VCAN: variants seen among roughly 807,000 people sequenced by gnomAD.
VCAN encodes versican.
VCAN carries 44 observed loss-of-function variants against 245.5 expected under a neutral mutation model. That is an observed-to-expected ratio of 0.18 (90% CI 0.14 to 0.23). The LOEUF is 0.23. VCAN is among the 10% of genes least tolerant of loss of function. VCAN has a pLI of 1.00. For synonymous variants in VCAN, 1,413 were observed against 1,437.0 expected (o/e 0.98, Z 0.38); for missense variants, 3,793 against 4,057.9 (o/e 0.93, Z 1.77).
intron 1 of VCAN, among the ~76,000 whole-genome samples, chr5:83,478,774 G>C (rs1052951159): frequency 6.6e-6 from 1 of 152,140 alleles, no homozygotes. Flanking sequence ...TATTTACTGA[G>C]TGTTCTAGGC....
Position 83,542,161 on chromosome 5 carries a change from C to A in VCAN, c.9158C>A (p.Thr3053Asn), listed in dbSNP as rs780883017. The A allele has an allele frequency of 6.2e-7, 1 of 1,614,084 alleles. No homozygotes were observed. Among genetic ancestry groups the A allele is most frequent in the Non-Finnish European group, 8.5e-7 (1 of 1,179,958 alleles). The change falls in exon 8 of 15, where the codon ACT (threonine) becomes AAT (asparagine). Residue 3053 changes from threonine (T) to asparagine (N), a missense_variant. Around this residue, in one of 5 missense-constraint regions of VCAN, gnomAD observed 3,182 missense variants for 3,250.3 expected, o/e 0.98. Coordinates refer to ENST00000265077, the MANE Select transcript of VCAN (RefSeq NM_004385.5). ...ACAGTAAACCCTGTGGAATTTAATA[C>A]TGAGGTTGCAACACCACCATTTTCC... ...QATVNPVEFN[T>N]EVATPPFSLL...
intron 9 of VCAN, among the ~76,000 whole-genome samples, chr5:83,546,158 T>A (rs531892): frequency 0.46 from 69,280 of 151,676 alleles, 16,066 homozygotes; most frequent in Admixed American, 0.5. Flanking sequence ...GTGCAATTGC[T>A]GTTCCCTGCC....
rs202194114 is a variant in VCAN, at chr5:83,484,722, C to A, written c.70+1134C>A. Among the ~76,000 whole-genome samples, 6 of 152,256 alleles carry A rather than the reference C, an allele frequency of 3.9e-5. No homozygotes were observed. The East Asian group carries it at 1.2e-3, about 29-fold the overall frequency. On this transcript the variant is annotated intron_variant, in intron 2 of 14. Coordinates refer to ENST00000265077, the MANE Select transcript of VCAN (RefSeq NM_004385.5). ...AACTTACTTCTCTAGTTATGGGAGA[C>A]CAGCAATAAACAAGTAAACAAACAA...
intron 2 of VCAN, among the ~76,000 whole-genome samples, chr5:83,488,543 G>A (rs1744862096): frequency 6.6e-6 from 1 of 152,218 alleles, no homozygotes. Flanking sequence ...TTAAGGTTGA[G>A]CTAAGTTAGA....
chr5:83,550,246 G>T (rs1316741631), intron 10 of VCAN, among the ~76,000 whole-genome samples: 2 of 152,148 alleles, frequency 1.3e-5, no homozygotes, highest in Non-Finnish European at 2.9e-5. Flanking sequence ...TGGTGAATTT[G>T]TTTGTGATAG....
At chr5:83,551,562 C>G (rs1052525427) in intron 10 of VCAN, among the ~76,000 whole-genome samples, 3 of 151,830 alleles carry the variant, frequency 2.0e-5, no homozygotes, top group Non-Finnish European at 2.9e-5. Context: ...AAACTAAAAC[C>G]AATTGGGTTA....
intron 12 of VCAN, among the ~76,000 whole-genome samples, chr5:83,566,423 G>A (rs533433468): frequency 1.3e-5 from 2 of 152,214 alleles, no homozygotes; most frequent in South Asian, 2.1e-4. Context: ...ATGGCCACCT[G>A]GTGTGTGTTT....
intron 2 of VCAN, 150 bp downstream of exon 2, chr5:83,483,738 A>G: frequency 1.3e-6 from 1 of 742,900 alleles, no homozygotes; most frequent in Non-Finnish European, 2.3e-6. Context: ...TTATTGGACC[A>G]AAAACATTAG....
intron 9 of VCAN, among the ~76,000 whole-genome samples, chr5:83,546,694 G>T (rs1415312025): frequency 6.6e-6 from 1 of 152,074 alleles, no homozygotes; most frequent in Non-Finnish European, 1.5e-5. Context: ...AGTGAGCTGT[G>T]TTCACGCTAC....
At chr5:83,495,967 C>G (rs1745147853) in intron 5 of VCAN, among the ~76,000 whole-genome samples, 1 of 152,180 alleles carries the variant, frequency 6.6e-6, no homozygotes, top group East Asian at 1.9e-4. Flanking sequence ...GCTCTTAGCT[C>G]TCTAAGGCTC....
Position 83,522,260 on chromosome 5 carries a change from T to C in VCAN, c.3954T>C (p.Phe1318=), listed in dbSNP as rs1223140587. 1 of 1,599,722 alleles carries C rather than the reference T, an allele frequency of 6.3e-7. No homozygotes were observed. Among genetic ancestry groups the C allele is most frequent in the Admixed American group, 1.7e-5 (1 of 59,964 alleles). The change falls in exon 7 of 15, where the codon TTT becomes TTC. Residue 1318 remains phenylalanine, a synonymous_variant. Coordinates refer to ENST00000265077, the MANE Select transcript of VCAN (RefSeq NM_004385.5). The part of the protein sequence containing the change: ...STPQPPASTK[F]HPDINVYIIE... Reference sequence around the variant, plus strand: ...CACAGCCCCCAGCAAGCACAAAATTTCACCCTGACATTAATGTTTATATTA... The same window carrying C: ...CACAGCCCCCAGCAAGCACAAAATTCCACCCTGACATTAATGTTTATATTA...
chr5:83,483,428 A>G (rs2112342398), intron 1 of VCAN, 85 bp from the exon 2 acceptor site: 1 of 1,075,340 alleles, frequency 9.3e-7, no homozygotes. Context: ...CCCTTATTAC[A>G]TACAATGCAC....
In VCAN at chr5:83,538,727, T is replaced by G. The variant is rs749168308; in HGVS notation, c.5724T>G (p.Ile1908Met). ...CCCAAACATCCAGGGAAATAGTGATTTCAGAGCGATTAGGAGAACCAAATT... is the reference window on the plus strand; with the variant it reads ...CCCAAACATCCAGGGAAATAGTGATGTCAGAGCGATTAGGAGAACCAAATT... ...NITQTSREIV[I>M]SERLGEPNYG... Residue 1908 changes from isoleucine to methionine, a missense_variant, in exon 8 of 15, where the codon ATT becomes ATG. Ile to Met is a conservative substitution (Grantham distance 10, BLOSUM62 1). Around this residue, in one of 5 missense-constraint regions of VCAN, gnomAD observed 3,182 missense variants for 3,250.3 expected, o/e 0.98. Coordinates refer to ENST00000265077, the MANE Select transcript of VCAN (RefSeq NM_004385.5). 1 of 1,614,014 alleles carries G rather than the reference T, an allele frequency of 6.2e-7. No individual in the cohort carries two copies. Among genetic ancestry groups the G allele is most frequent in the Non-Finnish European group, 8.5e-7 (1 of 1,179,952 alleles).
At chr5:83,573,859 C>A (rs895075516) in intron 13 of VCAN, among the ~76,000 whole-genome samples, 1 of 152,048 alleles carries the variant, frequency 6.6e-6, no homozygotes, top group Non-Finnish European at 1.5e-5. Flanking sequence ...GGGTTACCAC[C>A]GCATATTCAG....
intron 5 of VCAN, among the ~76,000 whole-genome samples, chr5:83,499,439 G>A (rs947776428): frequency 2.6e-5 from 4 of 151,910 alleles, no homozygotes; most frequent in African/African-American, 9.7e-5. Flanking sequence ...TCCAACCTTT[G>A]TCTCTTCTGG....
chr5:83,552,447 C>T (rs931362920), intron 10 of VCAN, among the ~76,000 whole-genome samples: 9 of 152,086 alleles, frequency 5.9e-5, no homozygotes, highest in East Asian at 1.9e-4. Context: ...TCAACCCCAC[C>T]TGTGGATGAG....
intron 13 of VCAN, among the ~76,000 whole-genome samples, chr5:83,577,156 G>A (rs1748515715): frequency 1.3e-5 from 2 of 151,988 alleles, no homozygotes. Flanking sequence ...ACATTGGCAG[G>A]CTTCCAAATT....
chr5:83,514,982 T>C (rs1001090017), intron 6 of VCAN, among the ~76,000 whole-genome samples: 2 of 152,202 alleles, frequency 1.3e-5, no homozygotes, highest in Non-Finnish European at 2.9e-5. Context: ...CTACCAAACG[T>C]AGAAAGTGTT....
intron 5 of VCAN, among the ~76,000 whole-genome samples, chr5:83,504,384 ATTT>A (rs557999767): frequency 2.8e-5 from 4 of 140,934 alleles, no homozygotes; most frequent in African/African-American, 5.2e-5. Flanking sequence ...ACCTTGATGA[ATTT>A]TTTTTTTTTT....
Sources: allele counts gnomAD v4.1 joint callset (sites outside exome capture counted in the v4.1 genomes callset), GRCh38; gene constraint gnomAD v4.1.1; regional missense constraint gnomAD v4.1.1; transcripts MANE v1.5; gene names NCBI Gene and HGNC (gene_info 2026-07-23, HGNC 2026-07-21).